The following PDE11A variants were observed in gnomAD, a reference collection of about 807,000 sequenced individuals.
PDE11A encodes the protein phosphodiesterase 11A.
A neutral mutation model predicts 100.5 loss-of-function variants in PDE11A; 100 were observed. The observed-to-expected ratio is 1.00, with a 90% CI of 0.85 to 1.18. The LOEUF is 1.18. Ranked by LOEUF, PDE11A falls within the 50% of genes most tolerant of loss-of-function variation. The probability of loss-of-function intolerance (pLI) is 0.00; values close to 1 mark genes in which losing one functional copy is unlikely to be tolerated. For synonymous variants in PDE11A, 381 were observed against 420.8 expected (o/e 0.91, Z 1.16); for missense variants, 1,141 against 1,152.6 (o/e 0.99, Z 0.15).
chr2:177,863,847 T>G (rs553963464), intron 5 of PDE11A, among the ~76,000 whole-genome samples: 71 of 152,110 alleles, frequency 4.7e-4, no homozygotes, highest in African/African-American at 1.5e-3. Flanking sequence ...GATACATACT[T>G]ACAAGAAATG....
intron 9 of PDE11A, among the ~76,000 whole-genome samples, chr2:177,786,387 T>C (rs911192530): frequency 6.6e-6 from 1 of 151,896 alleles, no homozygotes; most frequent in Non-Finnish European, 1.5e-5. Flanking sequence ...AACCCATCTG[T>C]ACATCACCAT....
At chr2:178,047,462 CAA>C (rs1252755818) in intron 1 of PDE11A, among the ~76,000 whole-genome samples, 23 of 104,892 alleles carry the variant, frequency 2.2e-4, no homozygotes, top group Admixed American at 4.1e-4. Flanking sequence ...GAGTCTGTCT[CAA>C]AAAAAAAAAA....
At chr2:177,705,960 T>C (rs544788382) in intron 13 of PDE11A, among the ~76,000 whole-genome samples, 25 of 152,210 alleles carry the variant, frequency 1.6e-4, no homozygotes, top group South Asian at 1.2e-3. Flanking sequence ...GCAGCTGTAA[T>C]AGAGAGAAGG....
chr2:177,702,011 A>C (rs146902770), intron 13 of PDE11A, among the ~76,000 whole-genome samples: 90 of 152,340 alleles, frequency 5.9e-4, no homozygotes, highest in African/African-American at 2.1e-3. Context: ...AATGCCTATT[A>C]CAGTTCCCAG....
At chr2:177,768,635 G>A (rs969650479) in intron 10 of PDE11A, among the ~76,000 whole-genome samples, 9 of 152,164 alleles carry the variant, frequency 5.9e-5, no homozygotes, top group African/African-American at 1.9e-4. Flanking sequence ...TTGCACTTAA[G>A]GAAATGGTAG....
At chr2:177,775,912 T>C (rs975253443) in intron 9 of PDE11A, among the ~76,000 whole-genome samples, 1 of 152,192 alleles carries the variant, frequency 6.6e-6, no homozygotes, top group Admixed American at 6.5e-5. Flanking sequence ...TGTAAGCACT[T>C]TGAAGGCAAG....
intron 9 of PDE11A, among the ~76,000 whole-genome samples, chr2:177,773,912 G>A (rs1346606656): frequency 6.6e-6 from 1 of 152,080 alleles, no homozygotes; most frequent in African/African-American, 2.4e-5. Context: ...CCAGAGGAGT[G>A]GATTCCTTAA....
rs563663024 is a variant in PDE11A, at chr2:178,043,522, T to A, written c.912+28004A>T. The stretch of plus-strand genomic sequence containing the variant: ...AGCGGAGACATAAGAGTCATACCAA[T>A]TACTCCAGCACCACATATGGTGAGC... On this transcript the variant is annotated intron_variant, in intron 1 of 19. Transcript: ENST00000286063. Among the ~76,000 whole-genome samples the A allele has an allele frequency of 2.6e-5, 4 of 152,172 alleles. No homozygotes were observed. The East Asian group carries it at 7.7e-4, about 29-fold the overall frequency.
intron 2 of PDE11A, among the ~76,000 whole-genome samples, chr2:178,001,125 G>C (rs944889625): frequency 7.2e-5 from 11 of 152,048 alleles, no homozygotes; most frequent in Admixed American, 7.2e-4. Flanking sequence ...GATTAAATGA[G>C]ACAATATATG....
At chr2:178,079,934 A>G (rs558756018) in intron 2 of PDE11A, among the ~76,000 whole-genome samples, 1 of 152,218 alleles carries the variant, frequency 6.6e-6, no homozygotes, top group Non-Finnish European at 1.5e-5. Context: ...TGTTGGGCAC[A>G]TGAATGTCTT....
chr2:177,770,215 T>A (rs76829124), intron 9 of PDE11A, among the ~76,000 whole-genome samples: 1 of 152,140 alleles, frequency 6.6e-6, no homozygotes, highest in East Asian at 1.9e-4. Flanking sequence ...CCCTTTTGAG[T>A]GTGTCTTCAA....
At chr2:177,687,462 T>C (rs1480423762) in intron 15 of PDE11A, 1 of 152,234 alleles carries the variant, frequency 6.6e-6, no homozygotes, top group Non-Finnish European at 1.5e-5. Flanking sequence ...CTTTTTCCAT[T>C]CAATGCTTGC....
intron 2 of PDE11A, among the ~76,000 whole-genome samples, chr2:177,947,383 G>C (rs538381625): frequency 1.3e-5 from 2 of 151,994 alleles, no homozygotes; most frequent in Non-Finnish European, 2.9e-5. Context: ...TGTGTAGAAG[G>C]AAGTAGACAT....
At chr2:178,097,219 GT>G (rs575845096) in intron 2 of PDE11A, among the ~76,000 whole-genome samples, 240 of 152,182 alleles carry the variant, frequency 1.6e-3, no homozygotes, top group Non-Finnish European at 2.6e-3. Flanking sequence ...CTTTATAGCA[GT>G]GCCCCAAACC....
chr2:177,867,504 C>T (rs1056121870), intron 5 of PDE11A, among the ~76,000 whole-genome samples: 4 of 151,956 alleles, frequency 2.6e-5, no homozygotes, highest in South Asian at 2.1e-4. Flanking sequence ...CCAAGGTGGG[C>T]GCATCACGAG....
chr2:177,692,413 T>C (rs927154001), intron 15 of PDE11A, among the ~76,000 whole-genome samples: 2 of 152,192 alleles, frequency 1.3e-5, no homozygotes, highest in African/African-American at 4.8e-5. Context: ...GTACTTTACA[T>C]TGTCAAAGCT....
chr2:178,023,218 A>G (rs571626231), intron 1 of PDE11A, among the ~76,000 whole-genome samples: 1 of 152,320 alleles, frequency 6.6e-6, no homozygotes, highest in East Asian at 1.9e-4. Flanking sequence ...TCCCACCTTC[A>G]AGATCCACAA....
intron 10 of PDE11A, among the ~76,000 whole-genome samples, chr2:177,730,002 A>G (rs2081658444): frequency 6.6e-6 from 1 of 152,170 alleles, no homozygotes; most frequent in Non-Finnish European, 1.5e-5. Flanking sequence ...GCAAAAAAAG[A>G]AACAGAGGGA....
At chr2:177,837,691 C>T (rs1205153113) in intron 6 of PDE11A, among the ~76,000 whole-genome samples, 1 of 152,130 alleles carries the variant, frequency 6.6e-6, no homozygotes, top group Non-Finnish European at 1.5e-5. Context: ...CTGAGCTACC[C>T]TTAAAGATTC....
Sources: allele counts gnomAD v4.1 joint callset (sites outside exome capture counted in the v4.1 genomes callset), GRCh38; gene constraint gnomAD v4.1.1; transcripts MANE v1.5; gene names NCBI Gene and HGNC (gene_info 2026-07-23, HGNC 2026-07-21).